PRKCH: variants seen among roughly 807,000 people sequenced by gnomAD.
PRKCH encodes the protein protein kinase C eta type.
A neutral mutation model predicts 82.5 loss-of-function variants in PRKCH; 28 were observed. That is an observed-to-expected ratio of 0.34 (90% CI 0.25 to 0.47). The LOEUF is 0.47. Among genes scored for constraint, PRKCH ranks in the 20% least tolerant of loss-of-function variants. The probability of loss-of-function intolerance (pLI) is 1.00; values close to 1 mark genes in which losing one functional copy is unlikely to be tolerated. For missense variants in PRKCH, 705 were observed against 881.8 expected (o/e 0.80, Z 2.54); for synonymous variants, 322 against 327.4 (o/e 0.98, Z 0.18).
intron 1 of PRKCH, among the ~76,000 whole-genome samples, chr14:61,195,190 T>A (rs2044432247): frequency 7.1e-6 from 1 of 141,098 alleles, no homozygotes; most frequent in African/African-American, 2.5e-5. Flanking sequence ...TACATAGATA[T>A]CCTATCAACA....
At chr14:61,467,566 A>G (rs115526401) in intron 9 of PRKCH, among the ~76,000 whole-genome samples, 2,448 of 152,344 alleles carry the variant, frequency 0.016, 66 homozygotes, top group African/African-American at 0.052. Flanking sequence ...CGCAAGGGGA[A>G]GAGGCCCTGT....
intron 1 of PRKCH, among the ~76,000 whole-genome samples, chr14:61,352,220 GGTTTCCTCCCTA>G (rs1248695458): frequency 6.6e-6 from 1 of 152,138 alleles, no homozygotes; most frequent in African/African-American, 2.4e-5. Flanking sequence ...TACTCTTGTA[GGTTTCCTCCCTA>G]ATAATTTCTG....
chr14:61,228,402 T>G (rs1258567520), intron 1 of PRKCH, among the ~76,000 whole-genome samples: 1 of 152,172 alleles, frequency 6.6e-6, no homozygotes, highest in East Asian at 1.9e-4. Flanking sequence ...TGAGCCCTCC[T>G]CCCTCCTCAT....
At chr14:61,541,128 C>G (rs1182232664) in intron 12 of PRKCH, among the ~76,000 whole-genome samples, 1 of 152,252 alleles carries the variant, frequency 6.6e-6, no homozygotes, top group African/African-American at 2.4e-5. Flanking sequence ...TGACCACTGC[C>G]CTGAGCTGGA....
At chr14:61,281,055 C>A in intron 1 of PRKCH, 1 of 1,521,798 alleles carries the variant, frequency 6.6e-7, no homozygotes. Context: ...CGATGCTGGC[C>A]GACAGCAGCG....
intron 9 of PRKCH, among the ~76,000 whole-genome samples, chr14:61,485,264 A>G (rs1358560035): frequency 6.6e-6 from 1 of 152,056 alleles, no homozygotes; most frequent in African/African-American, 2.4e-5. Flanking sequence ...TTTTGATTTC[A>G]TGTAGCAATT....
intron 1 of PRKCH, among the ~76,000 whole-genome samples, chr14:61,241,842 C>T (rs1430787583): frequency 2.0e-5 from 3 of 152,178 alleles, no homozygotes; most frequent in Non-Finnish European, 4.4e-5. Flanking sequence ...GACTTAGCTC[C>T]TTGATAGAAG....
chr14:61,203,460 C>T (rs1193852711), intron 1 of PRKCH, among the ~76,000 whole-genome samples: 1 of 151,990 alleles, frequency 6.6e-6, no homozygotes, highest in Non-Finnish European at 1.5e-5. Flanking sequence ...TTGGGGGGTA[C>T]TCAAATGACA....
At chr14:61,262,445 C>A (rs2045057802) in intron 1 of PRKCH, among the ~76,000 whole-genome samples, 1 of 152,044 alleles carries the variant, frequency 6.6e-6, no homozygotes, top group African/African-American at 2.4e-5. Context: ...AGAATACAAG[C>A]AGTATGATTC....
At chr14:61,441,469 C>T (rs548436797) in intron 2 of PRKCH, among the ~76,000 whole-genome samples, 2 of 152,232 alleles carry the variant, frequency 1.3e-5, no homozygotes, top group South Asian at 4.1e-4. Context: ...TAAGTATTTG[C>T]CAGCTTAAGA....
chr14:61,209,326 A>G (rs994344610), intron 1 of PRKCH, among the ~76,000 whole-genome samples: 1 of 133,450 alleles, frequency 7.5e-6, no homozygotes, highest in African/African-American at 2.5e-5. Flanking sequence ...AAAAAAAAAA[A>G]AAAAAAAAGC....
intron 1 of PRKCH, among the ~76,000 whole-genome samples, chr14:61,273,766 A>T (rs1053779061): frequency 6.6e-6 from 1 of 152,248 alleles, no homozygotes; most frequent in Non-Finnish European, 1.5e-5. Flanking sequence ...CCATCTCTGC[A>T]TCTTACATTA....
In PRKCH at chr14:61,436,577, G is replaced by A. The variant is rs139035871; in HGVS notation, c.428-6534G>A. On this transcript the variant is annotated intron_variant, in intron 2 of 13. Transcript: ENST00000332981. ...AGGTGGAGTCTCACTCTGTCGCCCA[G>A]GTTGGAGTATAATGGCGTGATCTCA... 1.5e-3 allele frequency among the ~76,000 whole-genome samples: 221 copies of A among 152,300 alleles called. 1 individual carries two copies. Among genetic ancestry groups the A allele is most frequent in the Middle Eastern group, 0.01 (3 of 294 alleles).
In PRKCH at chr14:61,508,547, C is replaced by T. The variant is rs539729669; in HGVS notation, c.1434-20528C>T. Among the ~76,000 whole-genome samples the T allele has an allele frequency of 2.6e-5, 4 of 152,188 alleles. No individual in the cohort carries two copies. The East Asian group carries it at 5.8e-4, about 22-fold the overall frequency. ...GATCAGTTAAATTTGAAAGCGCTTC[C>T]TTTTGTATGTTCTGGTCAGTCTTCT... On this transcript the variant is annotated intron_variant, in intron 10 of 13. Coordinates refer to ENST00000332981, the MANE Select transcript of PRKCH (RefSeq NM_006255.5).
At chr14:61,207,564 T>C (rs550222033) in intron 1 of PRKCH, among the ~76,000 whole-genome samples, 2 of 152,330 alleles carry the variant, frequency 1.3e-5, no homozygotes, top group African/African-American at 4.8e-5. Flanking sequence ...ATAGATGTTT[T>C]CAATTTACTA....
intron 12 of PRKCH, among the ~76,000 whole-genome samples, chr14:61,536,808 C>G (rs2043115905): frequency 6.6e-6 from 1 of 152,106 alleles, no homozygotes; most frequent in South Asian, 2.1e-4. Context: ...GACCACTAAT[C>G]TAATATTACT....
At chr14:61,515,710 A>G (rs1186298319) in intron 10 of PRKCH, among the ~76,000 whole-genome samples, 1 of 152,134 alleles carries the variant, frequency 6.6e-6, no homozygotes, top group Non-Finnish European at 1.5e-5. Flanking sequence ...TATAAGCCAG[A>G]TGTGTCACTT....
chr14:61,350,203 C>T (rs1233039082), intron 1 of PRKCH, among the ~76,000 whole-genome samples: 1 of 152,178 alleles, frequency 6.6e-6, no homozygotes, highest in African/African-American at 2.4e-5. Flanking sequence ...CGTCTCCTCC[C>T]CTCTCCGGAA....
intron 1 of PRKCH, among the ~76,000 whole-genome samples, chr14:61,282,825 C>T (rs1444078978): frequency 6.6e-6 from 1 of 152,060 alleles, no homozygotes; most frequent in Admixed American, 6.5e-5. Flanking sequence ...AATTTCAATT[C>T]CCTCACTTCT....
Sources: allele counts gnomAD v4.1 joint callset (sites outside exome capture counted in the v4.1 genomes callset), GRCh38; gene constraint gnomAD v4.1.1; transcripts MANE v1.5; gene names NCBI Gene and HGNC (gene_info 2026-07-23, HGNC 2026-07-21).